The following ADAMTSL1 variants were observed in gnomAD, a reference collection of about 807,000 sequenced individuals.
The protein encoded by ADAMTSL1 is ADAMTS-like protein 1.
A neutral mutation model predicts 201.8 loss-of-function variants in ADAMTSL1; 126 were observed. That is an observed-to-expected ratio of 0.62 (90% CI 0.54 to 0.72). ADAMTSL1 has a LOEUF of 0.72. Ranked by LOEUF, ADAMTSL1 falls within the 30% of genes least tolerant of loss-of-function variation. The pLI is 0.00. For missense variants in ADAMTSL1, 2,679 were observed against 2,277.8 expected, an observed-to-expected ratio of 1.18 and a Z score of -3.59; for synonymous variants, 1,121 against 903.4, an observed-to-expected ratio of 1.24 and a Z score of -4.32.
chr9:18,306,751 C>T (rs1048570811), intron 2 of ADAMTSL1, among the ~76,000 whole-genome samples: 1 of 152,128 alleles, frequency 6.6e-6, no homozygotes, highest in African/African-American at 2.4e-5. Context: ...GAGAATGGAA[C>T]CAAGTTGGAA....
intron 2 of ADAMTSL1, among the ~76,000 whole-genome samples, chr9:18,326,805 T>A (rs576800730): frequency 4.6e-5 from 7 of 152,324 alleles, no homozygotes; most frequent in African/African-American, 1.4e-4. Flanking sequence ...TCAGAATGCA[T>A]TTTTCCTAAT....
At chr9:18,889,443 A>G (rs1829104422) in intron 24 of ADAMTSL1, 125 bp from the exon 25 acceptor site, 2 of 1,038,352 alleles carry the variant, frequency 1.9e-6, no homozygotes, top group Non-Finnish European at 2.7e-6. Flanking sequence ...CTCATTTATA[A>G]TAGCTCCTCT....
Position 18,908,813 on chromosome 9 carries a change from G to A in ADAMTSL1, c.*265G>A, listed in dbSNP as rs1185906389. 1 of 355,826 alleles carries A rather than the reference G, an allele frequency of 2.8e-6. No homozygotes were observed. Among genetic ancestry groups the A allele is most frequent in the East Asian group, 6.3e-5 (1 of 15,958 alleles). 22.0% of individuals were successfully genotyped at this position (355,826 alleles called of 1,614,324 possible). On this transcript the variant is annotated 3_prime_UTR_variant, in exon 29 of 29. Coordinates refer to ENST00000380548, the MANE Select transcript of ADAMTSL1 (RefSeq NM_001040272.6). ...AGAGCAGGCCAGGCAGACAGTGGGG[G>A]CTCCCTTGAAGAGCTTCCTCCCTCC...
At chr9:18,241,136 C>A (rs1587379533) in intron 2 of ADAMTSL1, among the ~76,000 whole-genome samples, 1 of 152,256 alleles carries the variant, frequency 6.6e-6, no homozygotes, top group East Asian at 1.9e-4. Context: ...ATTTGACTAA[C>A]TACTGAGTAC....
At chr9:18,543,931 C>G (rs1201045581) in intron 3 of ADAMTSL1, among the ~76,000 whole-genome samples, 1 of 152,124 alleles carries the variant, frequency 6.6e-6, no homozygotes, top group Non-Finnish European at 1.5e-5. Flanking sequence ...TCCTTATTCT[C>G]TCTCCTATCC....
chr9:18,289,532 T>C (rs1833166606), intron 2 of ADAMTSL1, among the ~76,000 whole-genome samples: 1 of 152,152 alleles, frequency 6.6e-6, no homozygotes. Flanking sequence ...ATAGAGTTGC[T>C]GAGATTGTTT....
At chr9:18,234,124 G>C (rs768346543) in intron 2 of ADAMTSL1, among the ~76,000 whole-genome samples, 26 of 152,074 alleles carry the variant, frequency 1.7e-4, no homozygotes, top group Non-Finnish European at 3.2e-4. Flanking sequence ...GTTTGGATGT[G>C]GGGGGTGAGA....
At chr9:18,484,529 C>T (rs971323680) in intron 1 of ADAMTSL1, among the ~76,000 whole-genome samples, 1 of 152,074 alleles carries the variant, frequency 6.6e-6, no homozygotes, top group African/African-American at 2.4e-5. Context: ...ATTACTTTGT[C>T]TCTGTGTTTA....
chr9:18,287,614 T>C (rs1833054584), intron 2 of ADAMTSL1, among the ~76,000 whole-genome samples: 1 of 78,684 alleles, frequency 1.3e-5, no homozygotes, highest in Non-Finnish European at 2.6e-5. Context: ...TGCATATATG[T>C]ATGTGTATAC....
At chr9:18,506,304 A>G (rs1372106752) in intron 2 of ADAMTSL1, among the ~76,000 whole-genome samples, 2 of 152,238 alleles carry the variant, frequency 1.3e-5, no homozygotes, top group Non-Finnish European at 2.9e-5. Flanking sequence ...AATGTAACTG[A>G]TAATATTCAT....
At chr9:18,109,720 C>A (rs766466336) in intron 1 of ADAMTSL1, among the ~76,000 whole-genome samples, 2 of 152,172 alleles carry the variant, frequency 1.3e-5, no homozygotes, top group Non-Finnish European at 2.9e-5. Context: ...TAGCCTAATT[C>A]TTCGGAACTT....
intron 2 of ADAMTSL1, among the ~76,000 whole-genome samples, chr9:18,337,043 G>C (rs550098457): frequency 6.6e-6 from 1 of 152,236 alleles, no homozygotes; most frequent in South Asian, 2.1e-4. Flanking sequence ...GCAAAGTATT[G>C]ATCCTAGGTG....
chr9:18,047,537 G>A (rs73645704), intron 1 of ADAMTSL1, among the ~76,000 whole-genome samples: 2 of 152,100 alleles, frequency 1.3e-5, no homozygotes, highest in Non-Finnish European at 2.9e-5. Flanking sequence ...CTAAAATTTA[G>A]ATAAGTGAAG....
intron 2 of ADAMTSL1, among the ~76,000 whole-genome samples, chr9:18,347,046 A>G (rs1230064934): frequency 6.6e-6 from 1 of 152,188 alleles, no homozygotes; most frequent in Non-Finnish European, 1.5e-5. Flanking sequence ...TTTCAGTCAC[A>G]GTGGTTTTTT....
At position 18,908,526 on chromosome 9, in the gene ADAMTSL1, G is replaced by A; in HGVS notation, c.5267G>A (p.Cys1756Tyr). 3 of 1,562,028 alleles carry A rather than the reference G, an allele frequency of 1.9e-6. No individual in the cohort carries two copies. Among genetic ancestry groups the A allele is most frequent in the East Asian group, 4.8e-5 (2 of 41,668 alleles). Residue 1756 changes from cysteine to tyrosine, a missense_variant, in exon 29 of 29, where the codon TGT becomes TAT. Transcript: ENST00000380548. ...CTCAGCCAGTTTAAATCTCGCTGCT[G>A]TGGAACTTGTGGCAAAGCGTGAAGA... ...CQLSQFKSRCCGTCGKA is the reference protein window; with the variant it reads ...CQLSQFKSRCYGTCGKA
At chr9:18,703,273 C>T (rs1243931691) in intron 13 of ADAMTSL1, among the ~76,000 whole-genome samples, 7 of 152,118 alleles carry the variant, frequency 4.6e-5, no homozygotes, top group Admixed American at 2.6e-4. Flanking sequence ...TCACTGACCT[C>T]GCTTCCTCCC....
intron 2 of ADAMTSL1, among the ~76,000 whole-genome samples, chr9:18,379,560 T>C (rs1378248290): frequency 6.6e-6 from 1 of 152,206 alleles, no homozygotes; most frequent in Non-Finnish European, 1.5e-5. Context: ...TTTGTTGTTG[T>C]TTTGTCTTTT....
At chr9:18,290,786 T>TTTG (rs1563862891) in intron 2 of ADAMTSL1, among the ~76,000 whole-genome samples, 3 of 107,630 alleles carry the variant, frequency 2.8e-5, no homozygotes, top group East Asian at 3.2e-4. Flanking sequence ...TGTGTGTTTT[T>TTTG]TTTTTTTTTT....
chr9:18,570,264 AGGAAGTATAAT>A (rs1564057039), intron 3 of ADAMTSL1, among the ~76,000 whole-genome samples: 1 of 151,962 alleles, frequency 6.6e-6, no homozygotes, highest in African/African-American at 2.4e-5. Flanking sequence ...CAAAAGGATC[AGGAAGTATAAT>A]GGTTTCATGG....
Sources: allele counts gnomAD v4.1 joint callset (sites outside exome capture counted in the v4.1 genomes callset), GRCh38; gene constraint gnomAD v4.1.1; transcripts MANE v1.5; gene names NCBI Gene and HGNC (gene_info 2026-07-23, HGNC 2026-07-21).